The following FHOD3 variants were observed in gnomAD, a reference collection of about 807,000 sequenced individuals.
FHOD3 encodes FH1/FH2 domain-containing protein 3.
FHOD3 carries 90 observed loss-of-function variants against 173.0 expected under a neutral mutation model. The observed-to-expected ratio is 0.52, with a 90% CI of 0.44 to 0.62. FHOD3 has a LOEUF of 0.62. Among genes scored for constraint, FHOD3 ranks in the 20% least tolerant of loss-of-function variants. The pLI is 0.00. For synonymous variants in FHOD3, 828 were observed against 823.0 expected (o/e 1.01, Z -0.10); for missense variants, 1,945 against 2,034.7 (o/e 0.96, Z 0.85).
At chr18:36,648,416 A>C (rs1000729926) in intron 10 of FHOD3, among the ~76,000 whole-genome samples, 2 of 152,174 alleles carry the variant, frequency 1.3e-5, no homozygotes, top group Non-Finnish European at 2.9e-5. Flanking sequence ...GACCAGAGAA[A>C]GAGAATGTCC....
At chr18:36,511,817 C>T (rs1299310744) in intron 4 of FHOD3, among the ~76,000 whole-genome samples, 1 of 152,234 alleles carries the variant, frequency 6.6e-6, no homozygotes, top group Non-Finnish European at 1.5e-5. Flanking sequence ...CTTCTGTGAT[C>T]AGGTCTGCAA....
intron 5 of FHOD3, among the ~76,000 whole-genome samples, chr18:36,526,630 T>A (rs1165892743): frequency 6.6e-6 from 1 of 152,220 alleles, no homozygotes; most frequent in African/African-American, 2.4e-5. Flanking sequence ...CTCAAACTCC[T>A]GACCTCAGGT....
Position 36,433,748 on chromosome 18 carries a change from CAT to C in FHOD3, c.337+61005_337+61006del, listed in dbSNP as rs1339589633. Among the ~76,000 whole-genome samples the C allele has an allele frequency of 5.8e-5, 8 of 138,886 alleles. No homozygotes were observed. In the East Asian group the frequency reaches 1.2e-3, roughly 21 times the overall value. 91.1% of individuals were successfully genotyped at this position (138,886 alleles called of 152,430 possible). A position where few individuals can be genotyped will look rare whatever the true frequency, so the allele number is the denominator to read the frequency against. On this transcript the variant is annotated intron_variant, in intron 3 of 28. Transcript: ENST00000590592. Reference sequence around the variant, plus strand: ...AGGACAGGTTGGGTATTGCTGGACTCATGTGATGAGTTACATATGGTGTGTGA... The same window carrying C: ...AGGACAGGTTGGGTATTGCTGGACTCGTGATGAGTTACATATGGTGTGTGA...
chr18:36,457,195 G>T (rs961476265), intron 3 of FHOD3, among the ~76,000 whole-genome samples: 2 of 152,142 alleles, frequency 1.3e-5, no homozygotes, highest in Admixed American at 1.3e-4. Flanking sequence ...ATATTTTGCT[G>T]TGTGTTGGTG....
chr18:36,328,135 G>A (rs2145141838), intron 1 of FHOD3, among the ~76,000 whole-genome samples: 1 of 152,326 alleles, frequency 6.6e-6, no homozygotes, highest in South Asian at 2.1e-4. Flanking sequence ...TGGGGAGAGG[G>A]CAGTGGCCAG....
intron 3 of FHOD3, among the ~76,000 whole-genome samples, chr18:36,475,410 T>C (rs553438161): frequency 1.3e-4 from 20 of 150,514 alleles, no homozygotes; most frequent in African/African-American, 4.9e-4. Context: ...TTGCTGTGAC[T>C]GCCATTCCTC....
intron 3 of FHOD3, among the ~76,000 whole-genome samples, chr18:36,405,819 T>G (rs1407453279): frequency 6.6e-6 from 1 of 152,242 alleles, no homozygotes; most frequent in Non-Finnish European, 1.5e-5. Context: ...TCATGTATAC[T>G]GGGAATTGCA....
chr18:36,394,921 A>G lies in FHOD3; in HGVS notation c.337+22177A>G, dbSNP rs1374404392. Among the ~76,000 whole-genome samples the G allele has an allele frequency of 2.0e-5, 3 of 152,206 alleles. No individual in the cohort carries two copies. In the East Asian group the frequency reaches 5.8e-4, roughly 29 times the overall value. On this transcript the variant is annotated intron_variant, in intron 3 of 28. Transcript: ENST00000590592. ...TACCTAGGATAAAGTAGCTCATGAG[A>G]GCATACTAATACTTCAAATTCAAGT... is the stretch of plus-strand genomic sequence containing the variant.
At chr18:36,394,561 C>T (rs1232695639) in intron 3 of FHOD3, among the ~76,000 whole-genome samples, 1 of 152,192 alleles carries the variant, frequency 6.6e-6, no homozygotes, top group Non-Finnish European at 1.5e-5. Context: ...GGGTTTCAAT[C>T]AGTTGCACTT....
chr18:36,439,521 ATG>A (rs33931333), intron 3 of FHOD3, among the ~76,000 whole-genome samples: 12,059 of 144,404 alleles, frequency 0.084, 544 homozygotes, highest in African/African-American at 0.13. Flanking sequence ...AACCAATAGA[ATG>A]TGTGTGTGTG....
chr18:36,374,770 A>C (rs1341271992), intron 3 of FHOD3, among the ~76,000 whole-genome samples: 1 of 152,260 alleles, frequency 6.6e-6, no homozygotes, highest in African/African-American at 2.4e-5. Context: ...TTTGTGCCTC[A>C]TCACAGGTAG....
chr18:36,764,337 C>T (rs1418667062), intron 27 of FHOD3, among the ~76,000 whole-genome samples: 2 of 152,086 alleles, frequency 1.3e-5, no homozygotes, highest in East Asian at 3.9e-4. Flanking sequence ...GGGGACATGG[C>T]AAGGGGTATC....
chr18:36,426,141 T>C (rs920563027), intron 3 of FHOD3, among the ~76,000 whole-genome samples: 3 of 152,086 alleles, frequency 2.0e-5, no homozygotes, highest in Admixed American at 6.6e-5. Context: ...CCTGACCTTG[T>C]GATCCGCCCG....
At chr18:36,484,031 G>A (rs2145589559) in intron 3 of FHOD3, among the ~76,000 whole-genome samples, 1 of 152,338 alleles carries the variant, frequency 6.6e-6, no homozygotes, top group East Asian at 1.9e-4. Flanking sequence ...ATCTGCTGAA[G>A]CTAAATCTGT....
At position 36,705,712 on chromosome 18, in the gene FHOD3, G is replaced by A. The variant is rs540342787; in HGVS notation, c.2237-3383G>A. On this transcript the variant is annotated intron_variant, in intron 17 of 28. Transcript: ENST00000590592. The stretch of plus-strand genomic sequence containing the variant: ...ACCAACACCACATTTTCAGGCCAGA[G>A]AAAGGCTCATTAAATTCTGGGACTG... Among the ~76,000 whole-genome samples the A allele has an allele frequency of 2.0e-5, 3 of 152,256 alleles. No homozygotes were observed. The South Asian group carries it at 6.2e-4, about 32-fold the overall frequency.
At chr18:36,387,842 G>A (rs144782433) in intron 3 of FHOD3, among the ~76,000 whole-genome samples, 2 of 152,154 alleles carry the variant, frequency 1.3e-5, no homozygotes, top group Non-Finnish European at 2.9e-5. Flanking sequence ...TGCCAGTGGT[G>A]TGATGTGTCT....
intron 4 of FHOD3, among the ~76,000 whole-genome samples, chr18:36,512,018 A>G (rs1369502090): frequency 6.6e-6 from 1 of 152,236 alleles, no homozygotes; most frequent in African/African-American, 2.4e-5. Context: ...TTTGGAACAC[A>G]TTAGTGGCTT....
At chr18:36,767,142 TAA>T (rs2043173440) in intron 27 of FHOD3, among the ~76,000 whole-genome samples, 2 of 152,192 alleles carry the variant, frequency 1.3e-5, no homozygotes, top group Admixed American at 1.3e-4. Context: ...GTTTATTTTT[TAA>T]AAGAGTCTAT....
chr18:36,696,403 C>T (rs1281112345), intron 17 of FHOD3, among the ~76,000 whole-genome samples: 1 of 152,238 alleles, frequency 6.6e-6, no homozygotes, highest in Non-Finnish European at 1.5e-5. Context: ...CTCAGGAGTA[C>T]AGGTCCCTTT....
Sources: gnomAD v4.1 joint callset for allele counts (sites outside exome capture counted in the v4.1 genomes callset) on GRCh38, gnomAD v4.1.1 for gene constraint, MANE v1.5 for transcripts, NCBI Gene and HGNC (gene_info 2026-07-23, HGNC 2026-07-21) for gene names.